The following TAFA5 variants were observed in gnomAD, a reference collection of about 807,000 sequenced individuals.
TAFA5 encodes the protein chemokine-like protein TAFA-5.
In TAFA5, 6 loss-of-function variants were observed where a neutral mutation model predicts 15.3. The ratio of observed to expected loss-of-function variants is 0.39; its 90% CI spans 0.21 to 0.77. The LOEUF (loss-of-function observed/expected upper bound fraction) is 0.77, where lower values mean the gene tolerates loss of function less well. TAFA5 is among the 30% of genes least tolerant of loss of function. The pLI, the probability that TAFA5 is intolerant of heterozygous loss-of-function variation, is 0.41. For synonymous variants in TAFA5, 103 were observed against 80.7 expected (o/e 1.28, Z -1.48); for missense variants, 161 against 193.1 (o/e 0.83, Z 0.98).
Position 48,576,344 on chromosome 22 carries a change from G to C in TAFA5, c.113-70253G>C, listed in dbSNP as rs933980930. 12 of 1,188,420 alleles carry C rather than the reference G, an allele frequency of 1.0e-5. No individual in the cohort carries two copies. In the African/African-American group the frequency reaches 1.9e-4, roughly 19 times the overall value. 73.6% of individuals were successfully genotyped at this position (1,188,420 alleles called of 1,614,324 possible). On this transcript the variant is annotated intron_variant, in intron 1 of 3. Transcript: ENST00000402357. Reference sequence around the variant, plus strand: ...GCCTCCCGGAGTGGCGCCTCCAGTCGCGGCGGAGCGCGGCGTTGGCGGCGG... The same window carrying C: ...GCCTCCCGGAGTGGCGCCTCCAGTCCCGGCGGAGCGCGGCGTTGGCGGCGG...
At chr22:48,589,617 C>T (rs1294525089) in intron 1 of TAFA5, among the ~76,000 whole-genome samples, 2 of 152,218 alleles carry the variant, frequency 1.3e-5, no homozygotes, top group Admixed American at 6.5e-5. Flanking sequence ...TAGTTAAGGT[C>T]AGGTTCTCAA....
chr22:48,630,412 G>A (rs951150532), intron 1 of TAFA5, among the ~76,000 whole-genome samples: 2 of 152,222 alleles, frequency 1.3e-5, no homozygotes, highest in East Asian at 3.9e-4. Context: ...TTGCTCCACT[G>A]CTGCCTCGGC....
chr22:48,561,205 G>A (rs1237271312), intron 1 of TAFA5, among the ~76,000 whole-genome samples: 2 of 152,134 alleles, frequency 1.3e-5, no homozygotes, highest in African/African-American at 4.8e-5. Context: ...ACTCTGCTCT[G>A]TGGCTCTGGG....
intron 1 of TAFA5, among the ~76,000 whole-genome samples, chr22:48,493,315 G>A (rs1208943911): frequency 2.6e-5 from 4 of 152,172 alleles, no homozygotes; most frequent in South Asian, 2.1e-4. Context: ...AATAAATCCC[G>A]TCAATATTGA....
chr22:48,586,873 G>A (rs1385055490), intron 1 of TAFA5, among the ~76,000 whole-genome samples: 1 of 152,230 alleles, frequency 6.6e-6, no homozygotes, highest in Non-Finnish European at 1.5e-5. Flanking sequence ...CCTGCCCCAT[G>A]TCCCCTGGAT....
At chr22:48,502,328 A>G (rs1020961040) in intron 1 of TAFA5, among the ~76,000 whole-genome samples, 2 of 151,974 alleles carry the variant, frequency 1.3e-5, no homozygotes, top group African/African-American at 4.8e-5. Flanking sequence ...TCTCCTGTGT[A>G]TTTGGTTTTA....
chr22:48,673,308 C>T (rs1246151413), intron 2 of TAFA5, among the ~76,000 whole-genome samples: 3 of 113,756 alleles, frequency 2.6e-5, no homozygotes, highest in African/African-American at 5.7e-5. Context: ...GAGTTTCTGC[C>T]TCTGTGTGTC....
Position 48,704,607 on chromosome 22 carries a change from G to A in TAFA5, c.263-3110G>A, listed in dbSNP as rs563855459. Among the ~76,000 whole-genome samples the A allele has an allele frequency of 3.9e-5, 6 of 152,108 alleles. No individual in the cohort carries two copies. The East Asian group carries it at 9.7e-4, about 25-fold the overall frequency. On this transcript the variant is annotated intron_variant, in intron 2 of 3. Transcript: ENST00000402357. ...TGGGTGGCTTGTTCTTCCTGGAGTC[G>A]CCCTGGGAAGCCGGGGGGTTCCCTA...
intron 1 of TAFA5, among the ~76,000 whole-genome samples, chr22:48,637,310 T>C (rs1347755965): frequency 6.7e-6 from 1 of 149,994 alleles, no homozygotes; most frequent in African/African-American, 2.5e-5. Flanking sequence ...GAGCTCATGG[T>C]GGCATGTGCA....
intron 1 of TAFA5, among the ~76,000 whole-genome samples, chr22:48,553,697 G>T (rs896963595): frequency 1.3e-5 from 2 of 152,218 alleles, no homozygotes; most frequent in Non-Finnish European, 2.9e-5. Context: ...GTGCAGGCCC[G>T]TCTGCCTCCC....
intron 1 of TAFA5, among the ~76,000 whole-genome samples, chr22:48,542,502 G>A (rs1441510591): frequency 8.1e-5 from 10 of 123,508 alleles, no homozygotes; most frequent in East Asian, 5.2e-4. Context: ...GTGTGTGTGC[G>A]TGTGTGGCAT....
At chr22:48,625,211 T>G (rs540181695) in intron 1 of TAFA5, among the ~76,000 whole-genome samples, 36 of 152,214 alleles carry the variant, frequency 2.4e-4, no homozygotes, top group Non-Finnish European at 4.1e-4. Context: ...TTTCTCAGCC[T>G]TCTTGGCCGA....
At chr22:48,683,544 C>G (rs918476982) in intron 2 of TAFA5, among the ~76,000 whole-genome samples, 1 of 152,214 alleles carries the variant, frequency 6.6e-6, no homozygotes, top group Non-Finnish European at 1.5e-5. Flanking sequence ...AGAGCCAGGT[C>G]GTTGGGCCAC....
chr22:48,545,712 G>A (rs1215744038), intron 1 of TAFA5: 3 of 152,492 alleles, frequency 2.0e-5, no homozygotes, highest in African/African-American at 7.2e-5. Context: ...GGTCCCTTGG[G>A]TGCAGGAGAG....
At chr22:48,557,809 G>C (rs897162226) in intron 1 of TAFA5, among the ~76,000 whole-genome samples, 1 of 152,204 alleles carries the variant, frequency 6.6e-6, no homozygotes, top group South Asian at 2.1e-4. Flanking sequence ...CATGCCTAGA[G>C]CTCCCTCCCC....
chr22:48,584,652 CCA>C (rs748316724), intron 1 of TAFA5, among the ~76,000 whole-genome samples: 7 of 147,766 alleles, frequency 4.7e-5, no homozygotes, highest in Non-Finnish European at 6.0e-5. Flanking sequence ...CACACATGCA[CCA>C]CACACACAGC....
chr22:48,562,439 C>T (rs985335812), intron 1 of TAFA5, among the ~76,000 whole-genome samples: 9 of 152,184 alleles, frequency 5.9e-5, no homozygotes, highest in Non-Finnish European at 1.3e-4. Context: ...CGCCCGGCCC[C>T]GCGGAGCCTT....
chr22:48,653,748 G>C (rs997846224), intron 2 of TAFA5, among the ~76,000 whole-genome samples: 2 of 152,166 alleles, frequency 1.3e-5, no homozygotes, highest in African/African-American at 4.8e-5. Context: ...TTCTGCTGCT[G>C]AGAACATGAA....
At chr22:48,553,757 G>A (rs1018556416) in intron 1 of TAFA5, among the ~76,000 whole-genome samples, 3 of 152,184 alleles carry the variant, frequency 2.0e-5, no homozygotes, top group Non-Finnish European at 4.4e-5. Context: ...CCTGACCTGG[G>A]GTGCAGCCCT....
Sources: allele counts gnomAD v4.1 joint callset (sites outside exome capture counted in the v4.1 genomes callset), GRCh38; gene constraint gnomAD v4.1.1; transcripts MANE v1.5; gene names NCBI Gene and HGNC (gene_info 2026-07-23, HGNC 2026-07-21).